TARS3: variants seen among roughly 807,000 people sequenced by gnomAD.
TARS3 encodes the protein threonyl-tRNA synthetase 3.
TARS3 carries 94 observed loss-of-function variants against 103.5 expected under a neutral mutation model. That is an observed-to-expected ratio of 0.91 (90% CI 0.77 to 1.08). The LOEUF (loss-of-function observed/expected upper bound fraction) is 1.08, where lower values mean the gene tolerates loss of function less well. Among genes scored for constraint, TARS3 ranks in the 50% least tolerant of loss-of-function variants. TARS3 has a pLI of 0.00. For missense variants in TARS3, 952 were observed against 995.2 expected, an observed-to-expected ratio of 0.96 and a Z score of 0.58; for synonymous variants, 416 against 355.4, an observed-to-expected ratio of 1.17 and a Z score of -1.92.
At chr15:101,695,359 T>C (rs1596310991) in intron 10 of TARS3, among the ~76,000 whole-genome samples, 1 of 152,356 alleles carries the variant, frequency 6.6e-6, no homozygotes, top group East Asian at 1.9e-4. Context: ...TGGTGCCTTA[T>C]GCATTCTCTG....
intron 15 of TARS3, among the ~76,000 whole-genome samples, chr15:101,662,781 A>T (rs1237648392): frequency 6.6e-6 from 1 of 152,106 alleles, no homozygotes; most frequent in Non-Finnish European, 1.5e-5. Flanking sequence ...AAGCAAACTG[A>T]TCCTTTCACA....
intron 3 of TARS3, among the ~76,000 whole-genome samples, chr15:101,715,782 T>C (rs1900127039): frequency 6.6e-6 from 1 of 152,200 alleles, no homozygotes; most frequent in Admixed American, 6.5e-5. Flanking sequence ...TACACAGGCA[T>C]CTTGCGACTT....
At chr15:101,662,718 A>G (rs1897431023) in intron 15 of TARS3, among the ~76,000 whole-genome samples, 2 of 152,242 alleles carry the variant, frequency 1.3e-5, no homozygotes, top group Admixed American at 1.3e-4. Context: ...TGAAACCAGT[A>G]TGAAATATTC....
chr15:101,683,380 G>C (rs1181764943), intron 12 of TARS3, among the ~76,000 whole-genome samples: 1 of 152,040 alleles, frequency 6.6e-6, no homozygotes, highest in Non-Finnish European at 1.5e-5. Context: ...TTAGGATTAG[G>C]GTTAAACATT....
chr15:101,717,663 G>C (rs1258873096), intron 3 of TARS3, among the ~76,000 whole-genome samples: 4 of 152,128 alleles, frequency 2.6e-5, no homozygotes, highest in Admixed American at 2.0e-4. Context: ...TATTCTTTCT[G>C]GACCATGTAG....
intron 12 of TARS3, 32 bp from the exon 13 acceptor site, chr15:101,675,769 G>C: frequency 6.3e-7 from 1 of 1,586,722 alleles, no homozygotes; most frequent in African/African-American, 1.4e-5. Context: ...CATTCAAATA[G>C]AACATCAAAT....
At position 101,724,359 on chromosome 15, in the gene TARS3, G is replaced by T; in HGVS notation, c.29C>A (p.Ala10Asp). The T allele has an allele frequency of 6.5e-7, 1 of 1,538,616 alleles. No homozygotes were observed. Residue 10 changes from alanine (A) to aspartate (D), a missense_variant, in exon 1 of 19, where the codon GCC (alanine) becomes GAC (aspartate). By Grantham distance (126) the Ala-to-Asp change is moderately radical. Transcript: ENST00000335968. ...CTGCCGCTCCAGGCGCGACGCCACGGCCTCCGCCGCCAGGGCCTCGGCCGC... is the reference window on the plus strand; with the variant it reads ...CTGCCGCTCCAGGCGCGACGCCACGTCCTCCGCCGCCAGGGCCTCGGCCGC... MAAEALAAEAVASRLERQEE... is the reference protein window; with the variant it reads MAAEALAAEDVASRLERQEE...
Position 101,711,990 on chromosome 15 carries a change from G to C in TARS3, c.702C>G (p.His234Gln). 1 of 1,613,538 alleles carries C rather than the reference G, an allele frequency of 6.2e-7. No homozygotes were observed. The highest frequency in any genetic ancestry group is 8.5e-7 in the Non-Finnish European group (1 of 1,179,664). ...DNEEAQAVYW[H>Q]SSAHILGEAM... ...CCTCCCCAAGAATGTGAGCACTGGA[G>C]TGCCAGTACACCTGCATGGCATGGA... The change falls in exon 5 of 19, where the codon CAC becomes CAG. Residue 234 changes from histidine to glutamine, a missense_variant. Transcript: ENST00000335968.
intron 10 of TARS3, among the ~76,000 whole-genome samples, chr15:101,686,899 T>C (rs1596305280): frequency 6.6e-6 from 1 of 151,736 alleles, no homozygotes; most frequent in Non-Finnish European, 1.5e-5. Context: ...TAGAATGCCA[T>C]GTATACTTTG....
rs370813866 is a variant in TARS3 at position 101,661,761 on chromosome 15, A to T, written c.2023T>A (p.Ser675Thr). Reference sequence around the variant, plus strand: ...AGAATGGCTATCATTCTTTCCACTGATCCCAAAATGGCTCGATGAATGATC... The same window carrying T: ...AGAATGGCTATCATTCTTTCCACTGTTCCCAAAATGGCTCGATGAATGATC... ...PVIIHRAILG[S>T]VERMIAILSE... Residue 675 changes from serine (S) to threonine (T), a missense_variant, in exon 16 of 19, where the codon TCA becomes ACA. Coordinates refer to ENST00000335968, the MANE Select transcript of TARS3 (RefSeq NM_152334.3). 6.2e-6 allele frequency: 10 copies of T among 1,607,906 alleles called. No homozygotes were observed. In the African/African-American group the frequency reaches 1.3e-4, roughly 22 times the overall value.
intron 11 of TARS3, 130 bp from the exon 12 acceptor site, chr15:101,684,367 T>A: frequency 1.1e-6 from 1 of 919,264 alleles, no homozygotes; most frequent in Non-Finnish European, 1.5e-6. Context: ...GATCACCAGG[T>A]TAAAAAAAAA....
At chr15:101,675,864 T>G in intron 12 of TARS3, 127 bp from the exon 13 acceptor site, 2 of 1,093,996 alleles carry the variant, frequency 1.8e-6, no homozygotes, top group Non-Finnish European at 2.6e-6. Context: ...TGATCCTGTT[T>G]TGGTTGCTTA....
At chr15:101,680,688 T>G (rs1310219279) in intron 12 of TARS3, among the ~76,000 whole-genome samples, 1 of 152,236 alleles carries the variant, frequency 6.6e-6, no homozygotes, top group Non-Finnish European at 1.5e-5. Context: ...ATTTGTTAAG[T>G]ATTCTGGATT....
At chr15:101,708,717 G>T in intron 6 of TARS3, 76 bp downstream of exon 6, 2 of 964,584 alleles carry the variant, frequency 2.1e-6, no homozygotes, top group Non-Finnish European at 1.7e-6. Flanking sequence ...GTAATTATTT[G>T]GGGGAAGGTG....
Position 101,702,297 on chromosome 15 carries a change from C to A in TARS3, c.1163G>T (p.Arg388Ile). 1 of 1,614,160 alleles carries A rather than the reference C, an allele frequency of 6.2e-7. No homozygotes were observed. The highest frequency in any genetic ancestry group is 2.2e-5 in the East Asian group (1 of 44,880). The change falls in exon 9 of 19, where the codon AGA becomes ATA. Residue 388 changes from arginine to isoleucine, a missense_variant. Arg to Ile is a moderately conservative substitution (Grantham distance 97). Around this residue, in one of 2 missense-constraint regions of TARS3, gnomAD observed 540 missense variants for 631.0 expected, o/e 0.86. Transcript: ENST00000335968. ...GISFPDNKMM[R>I]DWEKFQEEAK... ...TTCCTCTTGGAACTTTTCCCAGTCTCTCATCATCTTGTTATCAGGAAAGGA... is the reference window on the plus strand; with the variant it reads ...TTCCTCTTGGAACTTTTCCCAGTCTATCATCATCTTGTTATCAGGAAAGGA...
chr15:101,701,249 C>T, intron 9 of TARS3, 65 bp from the exon 10 acceptor site: 1 of 930,930 alleles, frequency 1.1e-6, no homozygotes, highest in Non-Finnish European at 1.6e-6. Flanking sequence ...ACTGCACACA[C>T]ATATAATACT....
intron 10 of TARS3, among the ~76,000 whole-genome samples, chr15:101,694,241 G>A (rs1307116600): frequency 6.6e-6 from 1 of 152,164 alleles, no homozygotes; most frequent in Non-Finnish European, 1.5e-5. Flanking sequence ...CAGAAATCCT[G>A]AAATTTCCCT....
At chr15:101,697,517 A>T (rs962944501) in intron 10 of TARS3, among the ~76,000 whole-genome samples, 11 of 152,196 alleles carry the variant, frequency 7.2e-5, no homozygotes, top group Non-Finnish European at 1.5e-5. Context: ...ACGTGAAACT[A>T]ATTAACTTTT....
chr15:101,714,679 C>A (rs1010072386), intron 4 of TARS3, 161 bp downstream of exon 4: 15 of 309,806 alleles, frequency 4.8e-5, no homozygotes, highest in South Asian at 8.7e-5. Context: ...TATTTGTATA[C>A]ATTCATGCCA....
Sources: allele counts gnomAD v4.1 joint callset (sites outside exome capture counted in the v4.1 genomes callset), GRCh38; gene constraint gnomAD v4.1.1; regional missense constraint gnomAD v4.1.1; transcripts MANE v1.5; gene names NCBI Gene and HGNC (gene_info 2026-07-23, HGNC 2026-07-21).